The following HSH2D variants were observed in gnomAD, a reference collection of about 807,000 sequenced individuals.
The protein encoded by HSH2D is hematopoietic SH2 domain-containing protein.
A neutral mutation model predicts 21.5 loss-of-function variants in HSH2D; 16 were observed. That is an observed-to-expected ratio of 0.74 (90% CI 0.50 to 1.13). HSH2D has a LOEUF of 1.13. Ranked by LOEUF, HSH2D falls within the 50% of genes most tolerant of loss-of-function variation. The pLI is 0.00. For synonymous variants in HSH2D, 172 were observed against 184.7 expected, an observed-to-expected ratio of 0.93 and a Z score of 0.56; for missense variants, 418 against 441.4, an observed-to-expected ratio of 0.95 and a Z score of 0.47.
At chr19:16,135,782 A>G (rs1048856955) in intron 1 of HSH2D, among the ~76,000 whole-genome samples, 3 of 152,144 alleles carry the variant, frequency 2.0e-5, no homozygotes, top group Non-Finnish European at 4.4e-5. Flanking sequence ...TCTTCATAGC[A>G]TTTATGAGAA....
chr19:16,135,516 G>A (rs557866022), intron 1 of HSH2D, among the ~76,000 whole-genome samples: 2 of 151,866 alleles, frequency 1.3e-5, no homozygotes, highest in African/African-American at 2.4e-5. Flanking sequence ...GCCTCTACAC[G>A]CTGCAGCCAT....
chr19:16,144,629 C>T (rs1038247303), intron 1 of HSH2D, among the ~76,000 whole-genome samples: 15 of 149,594 alleles, frequency 1.0e-4, no homozygotes, highest in African/African-American at 3.4e-4. Context: ...GGTCACACAG[C>T]GGCTAAGTGG....
intron 2 of HSH2D, among the ~76,000 whole-genome samples, chr19:16,151,169 C>CA (rs2091143949): frequency 1.3e-5 from 2 of 151,900 alleles, no homozygotes; most frequent in East Asian, 3.9e-4. Context: ...ACTAAAAATA[C>CA]AAAAAATTAG....
upstream of HSH2D, among the ~76,000 whole-genome samples, chr19:16,138,789 C>G (rs563523887): frequency 9.9e-5 from 15 of 152,118 alleles, no homozygotes; most frequent in South Asian, 3.1e-3. Flanking sequence ...CCTGACTGTC[C>G]TGCATGTGAA....
chr19:16,156,716 G>A (rs890611704), intron 5 of HSH2D, among the ~76,000 whole-genome samples: 2 of 152,120 alleles, frequency 1.3e-5, no homozygotes, highest in African/African-American at 2.4e-5. Context: ...GGCCAGGTGC[G>A]GTGGCTCTCA....
In HSH2D at chr19:16,145,023, GTT is replaced by G. The variant is rs34431933; in HGVS notation, c.-28+1258_-28+1259del. The stretch of plus-strand genomic sequence containing the variant: ...CTTTTTTTGTTGTTGGTGGTGATGG[GTT>G]TTTTTTTTGGGGTTTTTTTTTTTTT... On this transcript the variant is annotated intron_variant, in intron 1 of 5. Coordinates refer to ENST00000613986, the MANE Select transcript of HSH2D (RefSeq NM_001382417.1). Among the ~76,000 whole-genome samples the G allele has an allele frequency of 5.4e-5, 7 of 130,756 alleles. No homozygotes were observed. In the East Asian group the frequency reaches 1.5e-3, roughly 28 times the overall value. 85.8% of individuals were successfully genotyped at this position (130,756 alleles called of 152,430 possible).
At position 16,157,149 on chromosome 19, in the gene HSH2D, G is replaced by T; in HGVS notation, c.475-61G>T. On this transcript the variant is annotated intron_variant, in intron 5 of 5. Coordinates refer to ENST00000613986, the MANE Select transcript of HSH2D (RefSeq NM_001382417.1). This position sits in a 1 kb window ranked among gnomAD's most constrained non-coding sequence, Gnocchi z 4.4. ...GGGTGGAACCCAGGCTCCAATTTCTGGGACAGACATGGTGCTCTGGTGGGC... is the reference window on the plus strand; with the variant it reads ...GGGTGGAACCCAGGCTCCAATTTCTTGGACAGACATGGTGCTCTGGTGGGC... 1 of 1,398,928 alleles carries T rather than the reference G, an allele frequency of 7.1e-7. No individual in the cohort carries two copies. Among genetic ancestry groups the T allele is most frequent in the South Asian group, 1.4e-5 (1 of 69,604 alleles). 86.7% of individuals were successfully genotyped at this position (1,398,928 alleles called of 1,614,324 possible). A position where few individuals can be genotyped will look rare whatever the true frequency, so the allele number is the denominator to read the frequency against.
chr19:16,134,384 T>C (rs1239262840), intron 1 of HSH2D: 1 of 152,310 alleles, frequency 6.6e-6, no homozygotes, highest in South Asian at 2.1e-4. Context: ...CCGCATCACT[T>C]GTACAGAAAG....
chr19:16,139,019 A>T (rs150404033), upstream of HSH2D, among the ~76,000 whole-genome samples: 1 of 151,934 alleles, frequency 6.6e-6, no homozygotes, highest in Non-Finnish European at 1.5e-5. Context: ...CACTACGCCC[A>T]ACTAATTTTT....
At chr19:16,145,023 GT>G (rs34431933) in intron 1 of HSH2D, among the ~76,000 whole-genome samples, 2,387 of 130,666 alleles carry the variant, frequency 0.018, 19 homozygotes, top group South Asian at 0.027. Flanking sequence ...GTGGTGATGG[GT>G]TTTTTTTTTG....
chr19:16,138,909 A>T (rs1403661208), upstream of HSH2D, among the ~76,000 whole-genome samples: 1 of 151,350 alleles, frequency 6.6e-6, no homozygotes, highest in Non-Finnish European at 1.5e-5. Context: ...CCCAGGCTGG[A>T]GTGCAGTGGC....
chr19:16,149,321 A>G (rs2091116498), intron 2 of HSH2D, among the ~76,000 whole-genome samples: 1 of 151,996 alleles, frequency 6.6e-6, no homozygotes. Flanking sequence ...TTCCGCCTCA[A>G]CTTGCTAAGT....
intron 1 of HSH2D, among the ~76,000 whole-genome samples, chr19:16,138,041 T>G (rs1401672151): frequency 6.6e-6 from 1 of 152,056 alleles, no homozygotes; most frequent in East Asian, 1.9e-4. Flanking sequence ...CTAATTTTTG[T>G]ATTTTTAGTA....
At chr19:16,145,130 C>T (rs187930479) in intron 1 of HSH2D, among the ~76,000 whole-genome samples, 81 of 151,098 alleles carry the variant, frequency 5.4e-4, no homozygotes, top group Non-Finnish European at 4.4e-4. Flanking sequence ...ACTCTGCCTC[C>T]CGAGTTCAGA....
In HSH2D at chr19:16,148,764, G is replaced by A. The variant is rs1458786373; in HGVS notation, c.14G>A (p.Gly5Glu). Residue 5 changes from glycine to glutamate, a missense_variant, in exon 2 of 6, where the codon GGG (glycine) becomes GAG (glutamate). By Grantham distance (98) the Gly-to-Glu change is moderately conservative. Coordinates refer to ENST00000613986, the MANE Select transcript of HSH2D (RefSeq NM_001382417.1). ...CCCCAGGAAGCTATGACAGAGGCCG[G>A]GAAGCTGCCCCTACCGCTACCCCCA... is the stretch of plus-strand genomic sequence containing the variant. MTEAGKLPLPLPPRL... is the reference protein window; with the variant it reads MTEAEKLPLPLPPRL... 1.2e-6 allele frequency: 2 copies of A among 1,613,830 alleles called. No individual in the cohort carries two copies. Among genetic ancestry groups the A allele is most frequent in the Admixed American group, 1.7e-5 (1 of 59,992 alleles).
At chr19:16,140,217 C>G (rs536149459), upstream of HSH2D, among the ~76,000 whole-genome samples, 1 of 152,084 alleles carries the variant, frequency 6.6e-6, no homozygotes, top group African/African-American at 2.4e-5. Context: ...GCAGGTAGAT[C>G]GCTTGAGGCC....
upstream of HSH2D, among the ~76,000 whole-genome samples, chr19:16,142,554 C>G (rs192696519): frequency 6.6e-6 from 1 of 152,160 alleles, no homozygotes; most frequent in African/African-American, 2.4e-5. Flanking sequence ...ACCTCCACCT[C>G]CCGGGTTCAA....
In HSH2D at chr19:16,154,533, G is replaced by A; in HGVS notation, c.474+42G>A. On this transcript the variant is annotated intron_variant, in intron 5 of 5. Coordinates refer to ENST00000613986, the MANE Select transcript of HSH2D (RefSeq NM_001382417.1). ...AGGCTGGCACCTCCCACCTGGCTGA[G>A]GGGCAGGAGTGGAGGTGGTCAACAG... 2 of 1,320,364 alleles carry A rather than the reference G, an allele frequency of 1.5e-6. 1 individual carries two copies. Among genetic ancestry groups the A allele is most frequent in the Non-Finnish European group, 2.1e-6 (2 of 941,232 alleles). 81.8% of individuals were successfully genotyped at this position (1,320,364 alleles called of 1,614,324 possible). A position where few individuals can be genotyped will look rare whatever the true frequency, so the allele number is the denominator to read the frequency against.
intron 1 of HSH2D, among the ~76,000 whole-genome samples, chr19:16,136,335 G>A (rs1330559983): frequency 3.3e-5 from 5 of 152,124 alleles, no homozygotes; most frequent in Non-Finnish European, 7.4e-5. Flanking sequence ...AGCAGATCCT[G>A]ACTGGGAACC....
Sources: gnomAD v4.1 joint callset for allele counts (sites outside exome capture counted in the v4.1 genomes callset) on GRCh38, gnomAD v4.1.1 for gene constraint, Gnocchi (gnomAD v3.1) non-coding constraint, MANE v1.5 for transcripts, NCBI Gene and HGNC (gene_info 2026-07-23, HGNC 2026-07-21) for gene names.